PRKAR1B: variants seen among roughly 807,000 people sequenced by gnomAD.
The protein encoded by PRKAR1B is protein kinase cAMP-dependent type I regulatory subunit beta.
Under a neutral mutation model 46.5 loss-of-function variants are expected in PRKAR1B, and 22 were observed. The observed-to-expected ratio is 0.47, with a 90% CI of 0.34 to 0.68. The LOEUF (loss-of-function observed/expected upper bound fraction) is 0.68, where lower values mean the gene tolerates loss of function less well. PRKAR1B is among the 30% of genes least tolerant of loss of function. The probability of loss-of-function intolerance (pLI) is 0.01; values close to 1 mark genes in which losing one functional copy is unlikely to be tolerated. For synonymous variants in PRKAR1B, 259 were observed against 217.7 expected, an observed-to-expected ratio of 1.19 and a Z score of -1.67; for missense variants, 445 against 535.6, an observed-to-expected ratio of 0.83 and a Z score of 1.67.
At chr7:700,704 CAGG>C (rs754451915) in intron 2 of PRKAR1B, among the ~76,000 whole-genome samples, 4 of 150,536 alleles carry the variant, frequency 2.7e-5, no homozygotes, top group Non-Finnish European at 4.4e-5. Flanking sequence ...AGAAGGAGAA[CAGG>C]AGGAGGAGTA....
chr7:723,441 A>C (rs1053792419), intron 1 of PRKAR1B, among the ~76,000 whole-genome samples: 2 of 152,136 alleles, frequency 1.3e-5, no homozygotes, highest in African/African-American at 4.8e-5. Flanking sequence ...CAGGGGACCC[A>C]CCACCTTGCT....
intron 1 of PRKAR1B, among the ~76,000 whole-genome samples, chr7:718,152 C>G (rs1780943793): frequency 2.6e-5 from 4 of 151,892 alleles, no homozygotes. Context: ...AGAATGCAGC[C>G]CCAGCATGGA....
intron 4 of PRKAR1B, among the ~76,000 whole-genome samples, chr7:660,056 AGGTGCCGCCGCCTTG>A (rs1785422822): frequency 6.6e-6 from 1 of 151,856 alleles, no homozygotes; most frequent in Admixed American, 6.6e-5. Context: ...AGCAGGAGAG[AGGTGCCGCCGCCTTG>A]GGCTCTCCAT....
intron 9 of PRKAR1B, 46 bp from the exon 10 acceptor site, chr7:551,516 A>AG: frequency 1.3e-6 from 2 of 1,535,008 alleles, no homozygotes; most frequent in Non-Finnish European, 1.8e-6. Flanking sequence ...AGGCGGGTGC[A>AG]GGGTGGGACA....
intron 2 of PRKAR1B, among the ~76,000 whole-genome samples, chr7:694,006 C>T (rs959805941): frequency 3.4e-4 from 52 of 152,150 alleles, no homozygotes; most frequent in Non-Finnish European, 5.0e-4. Flanking sequence ...TGGACTCGGC[C>T]GGGCGTGGTG....
At chr7:616,495 G>A (rs982895162) in intron 4 of PRKAR1B, among the ~76,000 whole-genome samples, 10 of 152,252 alleles carry the variant, frequency 6.6e-5, no homozygotes, top group African/African-American at 2.2e-4. Context: ...CCGGAGCTGC[G>A]TCCTGCCAGC....
chr7:636,303 C>CT lies in PRKAR1B; in HGVS notation c.441-28852_441-28851insA, dbSNP rs1253486302. Among the ~76,000 whole-genome samples the CT allele has an allele frequency of 4.1e-3, 36 of 8,770 alleles. 1 individual carries two copies. The highest frequency in any genetic ancestry group is 0.011 in the South Asian group (3 of 284). The allele number at this position is 8,770 out of a possible 152,430, so 5.8% of individuals were successfully genotyped here. A position where few individuals can be genotyped will look rare whatever the true frequency, so the allele number is the denominator to read the frequency against. ...ACGTCCTCCACCGGCCGCGCCCTCA[C>CT]GTCCTCCACCGGCCGCGCCCACACG... On this transcript the variant is annotated intron_variant, in intron 4 of 10. Coordinates refer to ENST00000537384, the MANE Select transcript of PRKAR1B (RefSeq NM_001164760.2).
intron 4 of PRKAR1B, among the ~76,000 whole-genome samples, chr7:636,880 T>C (rs1466887583): frequency 6.6e-6 from 1 of 151,966 alleles, no homozygotes; most frequent in Non-Finnish European, 1.5e-5. Flanking sequence ...CCTCAACAAC[T>C]GTGACCCCGC....
chr7:642,914 G>A lies in PRKAR1B; in HGVS notation c.440+34315C>T, dbSNP rs546178226. Among the ~76,000 whole-genome samples the A allele has an allele frequency of 6.6e-5, 10 of 151,324 alleles. 1 individual carries two copies. Among genetic ancestry groups the A allele is most frequent in the African/African-American group, 2.0e-4 (8 of 40,756 alleles). ...TGTCCTGGGTTCAAATCCCCGTCCC[G>A]CCACCTTGTCTTGAGCAGTGATTTT... is the stretch of plus-strand genomic sequence containing the variant. On this transcript the variant is annotated intron_variant, in intron 4 of 10. Transcript: ENST00000537384.
At chr7:639,772 C>G (rs1009625410) in intron 4 of PRKAR1B, among the ~76,000 whole-genome samples, 8 of 150,854 alleles carry the variant, frequency 5.3e-5, no homozygotes, top group Admixed American at 6.6e-5. Flanking sequence ...GAGAACTGCT[C>G]GAGCCCAGGA....
chr7:645,614 C>T (rs746749400), intron 4 of PRKAR1B, among the ~76,000 whole-genome samples: 4 of 152,186 alleles, frequency 2.6e-5, no homozygotes, highest in Non-Finnish European at 4.4e-5. Flanking sequence ...ACAGCCGTCA[C>T]GGACAGGCTG....
Position 593,738 on chromosome 7 carries a change from G to C in PRKAR1B, c.708+2408C>G, listed in dbSNP as rs963423855. On this transcript the variant is annotated intron_variant, in intron 7 of 10. Coordinates refer to ENST00000537384, the MANE Select transcript of PRKAR1B (RefSeq NM_001164760.2). The surrounding 1 kb of genome is among the most constrained non-coding windows in gnomAD (Gnocchi z 6.1). The stretch of plus-strand genomic sequence containing the variant: ...CAGGAGTGAGCGGGTTCAGACAGAA[G>C]AGAGGGAGCGTGCAACTCCTCCCAG... Among the ~76,000 whole-genome samples, 5 of 152,166 alleles carry C rather than the reference G, an allele frequency of 3.3e-5. No homozygotes were observed. Among genetic ancestry groups the C allele is most frequent in the African/African-American group, 1.2e-4 (5 of 41,452 alleles).
chr7:572,147 C>T (rs1779557300), intron 9 of PRKAR1B, among the ~76,000 whole-genome samples: 2 of 152,218 alleles, frequency 1.3e-5, no homozygotes, highest in South Asian at 4.1e-4. Flanking sequence ...ACGCAGGACG[C>T]CCAGGCCCTG....
chr7:550,388 C>T lies in PRKAR1B; in HGVS notation c.*42G>A, dbSNP rs187074541. On this transcript the variant is annotated 3_prime_UTR_variant, in exon 11 of 11. Transcript: ENST00000537384. Reference sequence around the variant, plus strand: ...CCCGACACAGACGAGCAGGGCACGGCCACCACACTGGGGAGCTGGGGCTGC... The same window carrying T: ...CCCGACACAGACGAGCAGGGCACGGTCACCACACTGGGGAGCTGGGGCTGC... The T allele has an allele frequency of 1.1e-4, 178 of 1,551,692 alleles. 3 individuals are homozygous for T. The East Asian group carries it at 1.8e-3, about 15-fold the overall frequency.
intron 2 of PRKAR1B, among the ~76,000 whole-genome samples, chr7:688,999 C>T (rs1034609738): frequency 6.6e-6 from 1 of 152,140 alleles, no homozygotes; most frequent in African/African-American, 2.4e-5. Flanking sequence ...CAAAGAGATC[C>T]CCCCAGGGGA....
At chr7:680,779 C>T in intron 2 of PRKAR1B, 53 bp from the exon 3 acceptor site, 1 of 1,604,592 alleles carries the variant, frequency 6.2e-7, no homozygotes. Flanking sequence ...CTGTCCCGGC[C>T]AGGCACAGGG....
At chr7:695,955 C>T (rs1004428646) in intron 2 of PRKAR1B, among the ~76,000 whole-genome samples, 2 of 145,232 alleles carry the variant, frequency 1.4e-5, no homozygotes, top group Non-Finnish European at 3.0e-5. Flanking sequence ...TGAGCCACTG[C>T]GCCCAACCCT....
intron 4 of PRKAR1B, among the ~76,000 whole-genome samples, chr7:619,696 C>A (rs1200929038): frequency 6.6e-6 from 1 of 152,272 alleles, no homozygotes; most frequent in Non-Finnish European, 1.5e-5. Flanking sequence ...TCCTGCAGGG[C>A]ACCTGGCTCC....
intron 8 of PRKAR1B, among the ~76,000 whole-genome samples, chr7:583,608 C>CG (rs1780405401): frequency 6.8e-6 from 1 of 148,038 alleles, no homozygotes; most frequent in East Asian, 2.0e-4. Context: ...ACACACACCC[C>CG]CTCACACGTG....
Sources: gnomAD v4.1 joint callset for allele counts (sites outside exome capture counted in the v4.1 genomes callset) on GRCh38, gnomAD v4.1.1 for gene constraint, Gnocchi (gnomAD v3.1) non-coding constraint, MANE v1.5 for transcripts, NCBI Gene and HGNC (gene_info 2026-07-23, HGNC 2026-07-21) for gene names.